Variants in CSGALNACT1 observed in about 807,000 individuals in gnomAD.
CSGALNACT1 encodes beta4GalNAcT-1.
A neutral mutation model predicts 51.0 loss-of-function variants in CSGALNACT1; 52 were observed. The ratio of observed to expected loss-of-function variants is 1.02; its 90% CI spans 0.82 to 1.29. The LOEUF is 1.29. Ranked by LOEUF, CSGALNACT1 falls within the 50% of genes most tolerant of loss-of-function variation. The pLI is 0.00. For missense variants in CSGALNACT1, 935 were observed against 679.2 expected (o/e 1.38, Z -4.19); for synonymous variants, 341 against 254.4 (o/e 1.34, Z -3.24).
At chr8:19,480,005 G>T (rs1299033744) in intron 4 of CSGALNACT1, among the ~76,000 whole-genome samples, 1 of 152,120 alleles carries the variant, frequency 6.6e-6, no homozygotes, top group African/African-American at 2.4e-5. Flanking sequence ...TCTCAACATG[G>T]TAAGCTTATT....
intron 4 of CSGALNACT1, among the ~76,000 whole-genome samples, chr8:19,465,191 C>T (rs2066395536): frequency 6.6e-6 from 1 of 152,162 alleles, no homozygotes; most frequent in African/African-American, 2.4e-5. Context: ...CGGATACATG[C>T]TACAACATGG....
At chr8:19,433,937 G>A (rs1369504594) in intron 6 of CSGALNACT1, among the ~76,000 whole-genome samples, 2 of 152,118 alleles carry the variant, frequency 1.3e-5, no homozygotes, top group East Asian at 1.9e-4. Context: ...ACCACTGGCT[G>A]CCAGGCTGTG....
intron 3 of CSGALNACT1, among the ~76,000 whole-genome samples, chr8:19,506,899 C>T (rs776475577): frequency 1.1e-4 from 16 of 152,296 alleles, no homozygotes; most frequent in South Asian, 4.1e-4. Context: ...TTTTAAGTTA[C>T]GCAGCTTCAG....
chr8:19,589,695 C>A (rs190261576), intron 3 of CSGALNACT1, among the ~76,000 whole-genome samples: 3 of 152,256 alleles, frequency 2.0e-5, no homozygotes, highest in South Asian at 2.1e-4. Context: ...TCAACTAGAT[C>A]TCATTTCTAC....
At chr8:19,674,769 T>C (rs1279583137) in intron 1 of CSGALNACT1, among the ~76,000 whole-genome samples, 1 of 152,140 alleles carries the variant, frequency 6.6e-6, no homozygotes, top group African/African-American at 2.4e-5. Context: ...CAGTGATGGC[T>C]CTGTATGTGA....
At chr8:19,448,641 C>A (rs996174920) in intron 5 of CSGALNACT1, among the ~76,000 whole-genome samples, 2 of 152,104 alleles carry the variant, frequency 1.3e-5, no homozygotes, top group Admixed American at 1.3e-4. Flanking sequence ...GGGATCCAGG[C>A]TGAGCCTTGA....
intron 1 of CSGALNACT1, among the ~76,000 whole-genome samples, chr8:19,691,712 A>T (rs1406966705): frequency 6.6e-6 from 1 of 152,134 alleles, no homozygotes; most frequent in Non-Finnish European, 1.5e-5. Context: ...AGCCTCTTTA[A>T]GCCTCAGCTC....
chr8:19,464,174 C>T (rs1664402428), intron 4 of CSGALNACT1, among the ~76,000 whole-genome samples: 1 of 152,192 alleles, frequency 6.6e-6, no homozygotes, highest in South Asian at 2.1e-4. Flanking sequence ...CATTCATTCT[C>T]AGTCTCCACA....
intron 1 of CSGALNACT1, among the ~76,000 whole-genome samples, chr8:19,636,085 T>A (rs1021277000): frequency 6.6e-6 from 1 of 152,194 alleles, no homozygotes. Flanking sequence ...CCATTAACTA[T>A]ATGCCGTAGT....
chr8:19,680,987 G>A (rs866886760), intron 1 of CSGALNACT1, among the ~76,000 whole-genome samples: 1 of 152,104 alleles, frequency 6.6e-6, no homozygotes, highest in Non-Finnish European at 1.5e-5. Flanking sequence ...GCGTGTGACT[G>A]TACAGACTGT....
intron 4 of CSGALNACT1, among the ~76,000 whole-genome samples, chr8:19,498,650 A>T (rs1395805716): frequency 6.6e-6 from 1 of 152,116 alleles, no homozygotes; most frequent in African/African-American, 2.4e-5. Context: ...ATGTCCTTCC[A>T]ATTTGTGTAC....
intron 3 of CSGALNACT1, among the ~76,000 whole-genome samples, chr8:19,514,518 T>C (rs1282313887): frequency 4.2e-5 from 6 of 141,722 alleles, no homozygotes; most frequent in Non-Finnish European, 9.1e-5. Flanking sequence ...TATACATGTA[T>C]CTATTTAAAA....
chr8:19,568,849 T>C (rs1228914779), intron 3 of CSGALNACT1, among the ~76,000 whole-genome samples: 3 of 152,214 alleles, frequency 2.0e-5, no homozygotes, highest in Non-Finnish European at 4.4e-5. Flanking sequence ...CAGCTTTTTA[T>C]ATGGGGATAT....
At chr8:19,504,641 G>A (rs1057244709) in intron 4 of CSGALNACT1, among the ~76,000 whole-genome samples, 1 of 152,202 alleles carries the variant, frequency 6.6e-6, no homozygotes, top group African/African-American at 2.4e-5. Context: ...ATGATATAAT[G>A]TAGAGGTTAA....
intron 3 of CSGALNACT1, among the ~76,000 whole-genome samples, chr8:19,516,929 G>A (rs563858608): frequency 3.2e-4 from 48 of 152,300 alleles, no homozygotes; most frequent in African/African-American, 1.1e-3. Flanking sequence ...GCTGGAATCT[G>A]CAGCCACATT....
chr8:19,405,100 G>C (rs776760417), exon 10 of CSGALNACT1: 1 of 453,430 alleles, frequency 2.2e-6, no homozygotes. Flanking sequence ...TGTAAGGCTT[G>C]CAAAGTGGTA....
intron 1 of CSGALNACT1, among the ~76,000 whole-genome samples, chr8:19,616,236 C>A (rs1249475747): frequency 6.6e-6 from 1 of 152,114 alleles, no homozygotes; most frequent in African/African-American, 2.4e-5. Context: ...TAGGGAAGAT[C>A]TTTAGTTATT....
rs57549612 is a variant in CSGALNACT1, at chr8:19,649,819, C to CAAA, written c.-544+32651_-544+32653dup. On this transcript the variant is annotated intron_variant, in intron 1 of 9. Transcript: ENST00000332246. ...AAGAAATTAAATGCATTCCAAGTAG[C>CAAA]AAAAAAAAAAAAAAAAAAAAAAAAA... is the stretch of plus-strand genomic sequence containing the variant. 2.5e-3 allele frequency among the ~76,000 whole-genome samples: 74 copies of CAAA among 29,408 alleles called. 10 individuals carry two copies. Among genetic ancestry groups the CAAA allele is most frequent in the African/African-American group, 8.3e-3 (65 of 7,836 alleles). The allele number at this position is 29,408 out of a possible 152,430, so 19.3% of individuals were successfully genotyped here.
chr8:19,516,644 A>C (rs1334951932), intron 3 of CSGALNACT1, among the ~76,000 whole-genome samples: 2 of 152,212 alleles, frequency 1.3e-5, no homozygotes, highest in Non-Finnish European at 2.9e-5. Context: ...CCCTGCAACT[A>C]GGGCCAGGCA....
Sources: allele counts gnomAD v4.1 joint callset (sites outside exome capture counted in the v4.1 genomes callset), GRCh38; gene constraint gnomAD v4.1.1; transcripts MANE v1.5; gene names NCBI Gene and HGNC (gene_info 2026-07-23, HGNC 2026-07-21).